Variants in STXBP6 observed in about 807,000 individuals in gnomAD.
STXBP6 encodes the protein syntaxin binding protein 6.
STXBP6 carries 21 observed loss-of-function variants against 26.9 expected under a neutral mutation model. The observed-to-expected ratio is 0.78, with a 90% CI of 0.55 to 1.12. The LOEUF (loss-of-function observed/expected upper bound fraction) is 1.12. STXBP6 is among the 50% of genes most tolerant of loss of function. STXBP6 has a pLI of 0.00. For synonymous variants in STXBP6, 97 were observed against 92.6 expected, an observed-to-expected ratio of 1.05 and a Z score of -0.27; for missense variants, 232 against 257.9, an observed-to-expected ratio of 0.90 and a Z score of 0.69.
chr14:24,933,556 A>AT (rs1393580616), intron 2 of STXBP6, among the ~76,000 whole-genome samples: 2 of 152,132 alleles, frequency 1.3e-5, no homozygotes, highest in African/African-American at 4.8e-5. Flanking sequence ...TTTTATTACT[A>AT]TTATTGTTGT....
At chr14:25,031,628 C>T (rs116014871) in intron 1 of STXBP6, among the ~76,000 whole-genome samples, 4,885 of 151,810 alleles carry the variant, frequency 0.032, 277 homozygotes, top group African/African-American at 0.11. Flanking sequence ...TGAGAGTAAA[C>T]TTTTATTCTT....
intron 1 of STXBP6, among the ~76,000 whole-genome samples, chr14:24,982,030 C>T (rs779810757): frequency 2.5e-4 from 38 of 152,098 alleles, no homozygotes; most frequent in Non-Finnish European, 4.1e-4. Context: ...AATAGTTTGC[C>T]AAAACGTTAA....
intron 2 of STXBP6, among the ~76,000 whole-genome samples, chr14:24,870,800 T>C (rs1000423591): frequency 1.7e-4 from 26 of 152,162 alleles, no homozygotes; most frequent in African/African-American, 5.5e-4. Flanking sequence ...TGGTCCTCCA[T>C]TGACCCTAGC....
intron 1 of STXBP6, among the ~76,000 whole-genome samples, chr14:25,032,719 A>T (rs1312114456): frequency 6.6e-6 from 1 of 152,242 alleles, no homozygotes; most frequent in Non-Finnish European, 1.5e-5. Flanking sequence ...CACATTTCAC[A>T]AAGTTACCAA....
chr14:24,856,225 T>C, intron 3 of STXBP6, 124 bp from the exon 4 acceptor site: 3 of 954,204 alleles, frequency 3.1e-6, no homozygotes, highest in Non-Finnish European at 4.4e-6. Flanking sequence ...AAGGCTCATC[T>C]TTATCCAAGT....
intron 1 of STXBP6, among the ~76,000 whole-genome samples, chr14:24,983,020 G>C (rs781024025): frequency 3.1e-4 from 47 of 152,180 alleles, no homozygotes; most frequent in Non-Finnish European, 5.9e-4. Context: ...ACATTCACAA[G>C]TTTAAATTCC....
intron 2 of STXBP6, among the ~76,000 whole-genome samples, chr14:24,878,294 T>C (rs941230915): frequency 6.6e-6 from 1 of 152,166 alleles, no homozygotes; most frequent in African/African-American, 2.4e-5. Flanking sequence ...CAGGAAATCC[T>C]TCCCTACACC....
Position 25,019,316 on chromosome 14 carries a change from C to T in STXBP6, c.-33+30562G>A, listed in dbSNP as rs547060056. 8.9e-4 allele frequency among the ~76,000 whole-genome samples: 136 copies of T among 152,116 alleles called. 1 individual carries two copies. Among genetic ancestry groups the T allele is most frequent in the African/African-American group, 3.0e-3 (126 of 41,490 alleles). On this transcript the variant is annotated intron_variant, in intron 1 of 5. Transcript: ENST00000323944. ...GTGGATTGTTAAGCCTTGAGTTGTA[C>T]AGAGAAGTGATTCTTTCCTTGGGAA...
chr14:25,046,892 C>T (rs545648632), intron 1 of STXBP6, among the ~76,000 whole-genome samples: 33 of 152,338 alleles, frequency 2.2e-4, no homozygotes, highest in South Asian at 8.3e-4. Context: ...GCCTTCTACC[C>T]TCTTAGAGAC....
chr14:25,037,661 A>G lies in STXBP6; in HGVS notation c.-33+12217T>C, dbSNP rs74037469. ...TCTGAGAAGTCTTGCTATTTCCCAA[A>G]ATCACTGTACATGCTCAAAGGTCAT... On this transcript the variant is annotated intron_variant, in intron 1 of 5. Coordinates refer to ENST00000323944, the MANE Select transcript of STXBP6 (RefSeq NM_001394410.1). 3.7e-3 allele frequency among the ~76,000 whole-genome samples: 561 copies of G among 152,318 alleles called. 1 individual carries two copies. The highest frequency in any genetic ancestry group is 0.013 in the African/African-American group (527 of 41,566).
intron 4 of STXBP6, among the ~76,000 whole-genome samples, chr14:24,828,612 A>G (rs537191382): frequency 1.3e-5 from 2 of 152,206 alleles, no homozygotes; most frequent in African/African-American, 4.8e-5. Context: ...GAAAGAGCAG[A>G]AAGTTACAGA....
chr14:25,043,387 T>A (rs529405420), intron 1 of STXBP6, among the ~76,000 whole-genome samples: 283 of 152,084 alleles, frequency 1.9e-3, no homozygotes, highest in African/African-American at 4.3e-3. Context: ...TCATTTTTTT[T>A]TAAAAAAACA....
At chr14:24,875,930 T>C (rs936868223) in intron 2 of STXBP6, among the ~76,000 whole-genome samples, 1 of 152,090 alleles carries the variant, frequency 6.6e-6, no homozygotes, top group Non-Finnish European at 1.5e-5. Flanking sequence ...TTCCTAAGCG[T>C]TGAAATAGTG....
intron 4 of STXBP6, among the ~76,000 whole-genome samples, chr14:24,832,887 T>G (rs1365096924): frequency 6.6e-6 from 1 of 152,204 alleles, no homozygotes. Flanking sequence ...GTGACTACCA[T>G]GCGCCAGAAA....
At chr14:24,955,170 C>T (rs2073299658) in intron 2 of STXBP6, among the ~76,000 whole-genome samples, 1 of 152,130 alleles carries the variant, frequency 6.6e-6, no homozygotes, top group South Asian at 2.1e-4. Context: ...TTATGTTGAA[C>T]ATGGCAGGAG....
chr14:24,896,000 G>A (rs1394468442), intron 2 of STXBP6, among the ~76,000 whole-genome samples: 1 of 152,218 alleles, frequency 6.6e-6, no homozygotes, highest in African/African-American at 2.4e-5. Context: ...ACACCAAAAA[G>A]AAGAGTGTGG....
intron 2 of STXBP6, among the ~76,000 whole-genome samples, chr14:24,958,145 G>A (rs2073403951): frequency 6.6e-6 from 1 of 152,146 alleles, no homozygotes; most frequent in African/African-American, 2.4e-5. Flanking sequence ...ATTCAATGCG[G>A]TTAGGCTAAA....
rs144525488 is a variant in STXBP6 at position 24,889,423 on chromosome 14, G to T, written c.155-32266C>A. Among the ~76,000 whole-genome samples the T allele has an allele frequency of 3.7e-3, 400 of 109,246 alleles. 4 individuals are homozygous for T. The highest frequency in any genetic ancestry group is 0.012 in the African/African-American group (351 of 28,270). The allele number at this position is 109,246 out of a possible 152,430, so 71.7% of individuals were successfully genotyped here. A position where few individuals can be genotyped will look rare whatever the true frequency, so the allele number is the denominator to read the frequency against. Reference sequence around the variant, plus strand: ...CACTCTGGGGACTGTTGTGGGGTGGGGGGAGGGGGGAGGGATAGCATTAGG... The same window carrying T: ...CACTCTGGGGACTGTTGTGGGGTGGTGGGAGGGGGGAGGGATAGCATTAGG... On this transcript the variant is annotated intron_variant, in intron 2 of 5. Transcript: ENST00000323944.
intron 1 of STXBP6, among the ~76,000 whole-genome samples, chr14:25,013,043 G>A (rs764596943): frequency 2.0e-4 from 30 of 152,142 alleles, no homozygotes; most frequent in Non-Finnish European, 3.5e-4. Flanking sequence ...AGTGAGCTAC[G>A]ATAGTTGCAC....
Sources: allele counts gnomAD v4.1 joint callset (sites outside exome capture counted in the v4.1 genomes callset), GRCh38; gene constraint gnomAD v4.1.1; transcripts MANE v1.5; gene names NCBI Gene and HGNC (gene_info 2026-07-23, HGNC 2026-07-21).